The following IQCM variants were observed in gnomAD, a reference collection of about 807,000 sequenced individuals.
IQCM encodes the protein IQ motif containing M, also known as IQ domain-containing protein M.
Under a neutral mutation model 57.6 loss-of-function variants are expected in IQCM, and 45 were observed. That is an observed-to-expected ratio of 0.78 (90% CI 0.62 to 1.00). The LOEUF is 1.00. IQCM is among the 50% of genes least tolerant of loss of function. The pLI is 0.00. For synonymous variants in IQCM, 148 were observed against 158.9 expected, an observed-to-expected ratio of 0.93 and a Z score of 0.51; for missense variants, 468 against 511.6, an observed-to-expected ratio of 0.91 and a Z score of 0.82.
chr4:149,765,978 G>A (rs1248751011), intron 2 of IQCM, among the ~76,000 whole-genome samples: 1 of 151,880 alleles, frequency 6.6e-6, no homozygotes, highest in Admixed American at 6.6e-5. Context: ...CCATTTCCTA[G>A]CCCCCTGCCC....
At chr4:149,689,554 A>G (rs1762797708) in intron 5 of IQCM, among the ~76,000 whole-genome samples, 1 of 151,998 alleles carries the variant, frequency 6.6e-6, no homozygotes, top group Admixed American at 6.6e-5. Context: ...AATAAAAAAT[A>G]AAAATTTTAA....
intron 12 of IQCM, among the ~76,000 whole-genome samples, chr4:149,525,537 A>G (rs919077330): frequency 7.2e-5 from 11 of 151,888 alleles, no homozygotes; most frequent in Non-Finnish European, 1.3e-4. Flanking sequence ...CTTAGTGGTC[A>G]AAAGACAGTA....
At position 149,815,767 on chromosome 4, in the gene IQCM, G is replaced by T. The variant is rs1387375080; in HGVS notation, c.-254C>A. 1 of 151,866 alleles carries T rather than the reference G, an allele frequency of 6.6e-6. No individual in the cohort carries two copies. The highest frequency in any genetic ancestry group is 1.5e-5 in the Non-Finnish European group (1 of 67,890). 9.4% of individuals were successfully genotyped at this position (151,866 alleles called of 1,614,324 possible). On this transcript the variant is annotated 5_prime_UTR_variant, in exon 1 of 14. Coordinates refer to ENST00000636793, the MANE Select transcript of IQCM (RefSeq NM_001363507.2). ...AATTTTTAAGACCAATTCAAAATAG[G>T]TAATGAATATTTCAAATAGATTCCT...
At chr4:149,624,248 G>A (rs574512510) in intron 7 of IQCM, among the ~76,000 whole-genome samples, 1 of 152,124 alleles carries the variant, frequency 6.6e-6, no homozygotes, top group Non-Finnish European at 1.5e-5. Context: ...CCATAAGAGT[G>A]AAAGGTCCCA....
intron 2 of IQCM, among the ~76,000 whole-genome samples, chr4:149,800,037 T>A (rs934673273): frequency 6.6e-6 from 1 of 151,160 alleles, no homozygotes; most frequent in Non-Finnish European, 1.5e-5. Flanking sequence ...CAGACAAAGA[T>A]ACCAAAAAAG....
chr4:149,656,278 T>C (rs762018033), intron 7 of IQCM, among the ~76,000 whole-genome samples: 3 of 152,120 alleles, frequency 2.0e-5, no homozygotes, highest in Non-Finnish European at 4.4e-5. Context: ...ATAGTTATTG[T>C]AACAAAAATA....
chr4:149,566,474 T>G (rs1029334867), intron 9 of IQCM, among the ~76,000 whole-genome samples: 1 of 151,744 alleles, frequency 6.6e-6, no homozygotes, highest in Admixed American at 6.6e-5. Flanking sequence ...AATCCTCTAC[T>G]GAAAAGTTTG....
rs563453163 is a variant in IQCM, at chr4:149,601,411, G to A, written c.682-13414C>T. 6.6e-5 allele frequency among the ~76,000 whole-genome samples: 10 copies of A among 152,238 alleles called. No homozygotes were observed. The East Asian group carries it at 1.9e-3, about 29-fold the overall frequency. ...AACAAAACAGTTGTGCTACCATTTA[G>A]GGAGAAACAGCAAGAAGAAAAGGCT... On this transcript the variant is annotated intron_variant, in intron 8 of 13. Transcript: ENST00000636793.
At chr4:149,695,967 CA>C (rs1763306007) in intron 5 of IQCM, among the ~76,000 whole-genome samples, 1 of 152,122 alleles carries the variant, frequency 6.6e-6, no homozygotes, top group Admixed American at 6.6e-5. Context: ...TGCAAAAAGT[CA>C]AATGAAAGAT....
intron 13 of IQCM, among the ~76,000 whole-genome samples, chr4:149,426,705 A>G (rs1734485167): frequency 6.6e-6 from 1 of 151,966 alleles, no homozygotes; most frequent in Admixed American, 6.6e-5. Context: ...CCTCTCTAAG[A>G]GCTGCTGGAG....
intron 12 of IQCM, among the ~76,000 whole-genome samples, chr4:149,508,519 T>A (rs1744065498): frequency 6.6e-6 from 1 of 152,182 alleles, no homozygotes; most frequent in Admixed American, 6.5e-5. Context: ...CCACTGGATT[T>A]CAGACTTGCA....
chr4:149,771,915 T>C (rs575230260), intron 2 of IQCM, among the ~76,000 whole-genome samples: 1 of 152,136 alleles, frequency 6.6e-6, no homozygotes, highest in African/African-American at 2.4e-5. Context: ...ATAATTCTAT[T>C]TTCTTTTAGT....
chr4:149,430,644 A>G (rs1329145326), intron 13 of IQCM, among the ~76,000 whole-genome samples: 1 of 151,934 alleles, frequency 6.6e-6, no homozygotes, highest in Non-Finnish European at 1.5e-5. Context: ...ACTTATTTTG[A>G]GATTCAGCCT....
At chr4:149,363,585 C>G (rs1187790717) in intron 13 of IQCM, among the ~76,000 whole-genome samples, 2 of 152,106 alleles carry the variant, frequency 1.3e-5, no homozygotes, top group Non-Finnish European at 2.9e-5. Context: ...ACCCTCACTG[C>G]TCCTAGCTCC....
intron 7 of IQCM, among the ~76,000 whole-genome samples, chr4:149,671,057 A>T (rs1035233820): frequency 1.3e-5 from 2 of 151,870 alleles, no homozygotes; most frequent in African/African-American, 4.8e-5. Context: ...TTTCAGAAGG[A>T]ATGCTACCAG....
At chr4:149,538,880 T>G (rs1747569707) in intron 12 of IQCM, among the ~76,000 whole-genome samples, 1 of 151,824 alleles carries the variant, frequency 6.6e-6, no homozygotes, top group South Asian at 2.1e-4. Flanking sequence ...AAAAATATAT[T>G]CCACAGCCTG....
At chr4:149,677,342 G>A (rs1456048676) in intron 7 of IQCM, among the ~76,000 whole-genome samples, 2 of 152,048 alleles carry the variant, frequency 1.3e-5, no homozygotes, top group Non-Finnish European at 2.9e-5. Flanking sequence ...CACTCCAGGA[G>A]CATGGGCACA....
At chr4:149,794,749 A>T (rs1189779745) in intron 2 of IQCM, among the ~76,000 whole-genome samples, 1 of 152,182 alleles carries the variant, frequency 6.6e-6, no homozygotes, top group Non-Finnish European at 1.5e-5. Flanking sequence ...AAAAGCTGTA[A>T]GATAAAGTCA....
intron 7 of IQCM, among the ~76,000 whole-genome samples, chr4:149,660,784 A>T (rs1393633417): frequency 6.6e-6 from 1 of 152,004 alleles, no homozygotes; most frequent in Admixed American, 6.6e-5. Flanking sequence ...CCGAACAATG[A>T]GAACACATGG....
Sources: gnomAD v4.1 joint callset for allele counts (sites outside exome capture counted in the v4.1 genomes callset) on GRCh38, gnomAD v4.1.1 for gene constraint, MANE v1.5 for transcripts, NCBI Gene and HGNC (gene_info 2026-07-23, HGNC 2026-07-21) for gene names.